CPSF1: variants seen among roughly 807,000 people sequenced by gnomAD.
CPSF1 encodes the protein cleavage and polyadenylation specific factor 1.
A neutral mutation model predicts 175.8 loss-of-function variants in CPSF1; 106 were observed. The observed-to-expected ratio is 0.60, with a 90% CI of 0.52 to 0.71. CPSF1 has a LOEUF of 0.71. CPSF1 is among the 30% of genes least tolerant of loss of function. CPSF1 has a pLI of 0.00. For missense variants in CPSF1, 1,734 were observed against 2,022.9 expected, an observed-to-expected ratio of 0.86 and a Z score of 2.74; for synonymous variants, 1,024 against 858.3, an observed-to-expected ratio of 1.19 and a Z score of -3.37.
intron 2 of CPSF1, among the ~76,000 whole-genome samples, chr8:144,403,121 G>A (rs1821309033): frequency 6.6e-6 from 1 of 150,588 alleles, no homozygotes; most frequent in Non-Finnish European, 1.5e-5. Flanking sequence ...TTTTGAGATG[G>A]AGTCTCACTT....
Position 144,397,648 on chromosome 8 carries a change from C to A in CPSF1, c.2224G>T (p.Asp742Tyr). 1 of 1,534,570 alleles carries A rather than the reference C, an allele frequency of 6.5e-7. No individual in the cohort carries two copies. The highest frequency in any genetic ancestry group is 1.2e-5 in the South Asian group (1 of 80,156). Residue 742 changes from aspartate to tyrosine, a missense_variant, in exon 22 of 38, where the codon GAC becomes TAC. Physicochemically the swap from Asp to Tyr is radical, Grantham distance 160 (BLOSUM62 -3). Coordinates refer to ENST00000616140, the MANE Select transcript of CPSF1 (RefSeq NM_013291.3). The part of the protein sequence containing the change: ...LGSETSPTVD[D>Y]EEEMLYGDSG... ...TCCCCATACAGCATCTCCTCCTCGTCATCCACTGTGGGGCTGGGGGCCAGC... is the reference window on the plus strand; with the variant it reads ...TCCCCATACAGCATCTCCTCCTCGTAATCCACTGTGGGGCTGGGGGCCAGC...
intron 2 of CPSF1, among the ~76,000 whole-genome samples, chr8:144,402,072 G>A (rs2116888605): frequency 5.3e-5 from 8 of 152,214 alleles, no homozygotes; most frequent in African/African-American, 9.6e-5. Flanking sequence ...CCAGAGCCAA[G>A]GGGTATCTGT....
chr8:144,408,999 C>T lies in CPSF1; in HGVS notation c.144+16G>A, dbSNP rs1821649469. 6.2e-7 allele frequency: 1 copy of T among 1,611,134 alleles called. No homozygotes were observed. The highest frequency in any genetic ancestry group is 8.5e-7 in the Non-Finnish European group (1 of 1,178,746). Reference sequence around the variant, plus strand: ...ACGTCGCGGACAGCCGGGAGGGCTCCCAGGGCCCGACCTACCTCGGCGTCG... The same window carrying T: ...ACGTCGCGGACAGCCGGGAGGGCTCTCAGGGCCCGACCTACCTCGGCGTCG... On this transcript the variant is annotated intron_variant, in intron 2 of 37. Coordinates refer to ENST00000616140, the MANE Select transcript of CPSF1 (RefSeq NM_013291.3).
At chr8:144,396,281 C>T (rs777713375) in intron 26 of CPSF1, 67 bp downstream of exon 26, 37 of 1,483,404 alleles carry the variant, frequency 2.5e-5, no homozygotes, top group Non-Finnish European at 3.3e-5. Context: ...CTTCTCCTGT[C>T]CCCTCCCCCT....
rs147047153 is a variant in CPSF1 at position 144,395,127 on chromosome 8, C to G, written c.3243G>C (p.Pro1081=). The part of the protein sequence containing the change: ...QEAFSIQLIS[P]VSWEAIPNAR... ...CATTGGGAATAGCCTCCCAGCTGAC[C>G]GGGGAGATGAGCTGGATGGAGAAGG... Residue 1081 remains proline (P), a synonymous_variant, in exon 29 of 38, where the codon CCG becomes CCC. Coordinates refer to ENST00000616140, the MANE Select transcript of CPSF1 (RefSeq NM_013291.3). 3 of 1,611,994 alleles carry G rather than the reference C, an allele frequency of 1.9e-6. No individual in the cohort carries two copies. The highest frequency in any genetic ancestry group is 2.5e-6 in the Non-Finnish European group (3 of 1,179,252).
chr8:144,395,851 C>T, intron 26 of CPSF1: 1 of 522,780 alleles, frequency 1.9e-6, no homozygotes, highest in Non-Finnish European at 3.5e-6. Context: ...ATGCTGGGGA[C>T]TGAAAACCAG....
At chr8:144,404,621 C>T (rs1366218430) in intron 2 of CPSF1, among the ~76,000 whole-genome samples, 2 of 151,632 alleles carry the variant, frequency 1.3e-5, no homozygotes, top group Non-Finnish European at 2.9e-5. Flanking sequence ...CCACCCACCT[C>T]GGCCTGCCAA....
rs781875397 is a variant in CPSF1 at position 144,394,387 on chromosome 8, C to T, written c.3736G>A (p.Val1246Met). The part of the protein sequence containing the change: ...YQEESKTLSL[V>M]SRDAKPLEVY... ...CGCCGCCACAGGTGTACCCGCGACA[C>T]CAGGCTCAGCGTCTTGCTTTCCTCC... The change falls in exon 32 of 38, where the codon GTG (valine) becomes ATG (methionine). Residue 1246 changes from valine to methionine, a missense_variant. Around this residue, in one of 10 missense-constraint regions of CPSF1, gnomAD observed 323 missense variants for 338.5 expected, o/e 0.95. Transcript: ENST00000616140. 1 of 1,605,130 alleles carries T rather than the reference C, an allele frequency of 6.2e-7. No individual in the cohort carries two copies. Among genetic ancestry groups the T allele is most frequent in the South Asian group, 1.1e-5 (1 of 90,244 alleles).
chr8:144,397,154 CGG>C, intron 23 of CPSF1, 51 bp downstream of exon 23: 1 of 1,468,096 alleles, frequency 6.8e-7, no homozygotes, highest in Non-Finnish European at 9.1e-7. Context: ...TGTGGGGGAA[CGG>C]GCAGGGCCAG....
At position 144,393,415 on chromosome 8, in the gene CPSF1, AGGGGCGGGGCGCGCGG is replaced by A. The variant is rs782578505; in HGVS notation, c.4284+21_4284+36del. 3.1e-3 allele frequency: 1,891 copies of A among 606,792 alleles called. 5 individuals are homozygous for A. Among genetic ancestry groups the A allele is most frequent in the African/African-American group, 7.5e-3 (105 of 14,084 alleles). 37.6% of individuals were successfully genotyped at this position (606,792 alleles called of 1,614,324 possible). On this transcript the variant is annotated intron_variant, in intron 37 of 37. Coordinates refer to ENST00000616140, the MANE Select transcript of CPSF1 (RefSeq NM_013291.3). ...GGTGGGTGGGTGGGGATGCACACGG[AGGGGCGGGGCGCGCGG>A]GGGGCGGGGCGCGCACTCACTATGT...
chr8:144,408,660 A>G (rs1364134012), intron 2 of CPSF1, among the ~76,000 whole-genome samples: 1 of 152,254 alleles, frequency 6.6e-6, no homozygotes, highest in Non-Finnish European at 1.5e-5. Flanking sequence ...GTGTTTATTT[A>G]GATGTTCCCC....
At position 144,395,366 on chromosome 8, in the gene CPSF1, G is replaced by T; in HGVS notation, c.3097-11C>A. The T allele has an allele frequency of 1.9e-6, 3 of 1,613,358 alleles. No homozygotes were observed. The highest frequency in any genetic ancestry group is 2.5e-6 in the Non-Finnish European group (3 of 1,179,944). On this transcript the variant is annotated splice_polypyrimidine_tract_variant and intron_variant, in intron 27 of 37. Transcript: ENST00000616140. ...GGCCACAGCATACACCTGTGGGTTAGTGAGGGTCACACACCAGTGGCCCGG... is the reference window on the plus strand; with the variant it reads ...GGCCACAGCATACACCTGTGGGTTATTGAGGGTCACACACCAGTGGCCCGG...
Position 144,409,168 on chromosome 8 carries a change from C to A in CPSF1, c.-10G>T, listed in dbSNP as rs1441164513. ...TGTACACGGCGTACATGGCGCCAAC[C>A]CGGGCTGCGCAAGGCCGGGAGAGGA... On this transcript the variant is annotated 5_prime_UTR_variant, in exon 2 of 38. Coordinates refer to ENST00000616140, the MANE Select transcript of CPSF1 (RefSeq NM_013291.3). 2 of 1,603,930 alleles carry A rather than the reference C, an allele frequency of 1.2e-6. No individual in the cohort carries two copies. Among genetic ancestry groups the A allele is most frequent in the African/African-American group, 1.3e-5 (1 of 74,624 alleles).
At chr8:144,398,223 ACCTCCCCCC>A in intron 19 of CPSF1, 70 bp downstream of exon 19, 1 of 1,460,040 alleles carries the variant, frequency 6.8e-7, no homozygotes. Context: ...GGGCCCAACC[ACCTCCCCCC>A]CACCGTCCCC....
At chr8:144,397,146 TGGGGGAACGGGCAGGGCCA>T (rs1263455746) in intron 23 of CPSF1, 42 bp downstream of exon 23, 1 of 1,207,914 alleles carries the variant, frequency 8.3e-7, no homozygotes, top group Non-Finnish European at 1.0e-6. Context: ...GGCGGGGCTG[TGGGGGAACGGGCAGGGCCA>T]GGGGGAAGAT....
chr8:144,400,420 C>T lies in CPSF1; in HGVS notation c.760G>A (p.Val254Ile), dbSNP rs2116875048. The T allele has an allele frequency of 1.9e-6, 3 of 1,613,622 alleles. No homozygotes were observed. The highest frequency in any genetic ancestry group is 2.7e-5 in the African/African-American group (2 of 74,908). Residue 254 changes from valine to isoleucine, a missense_variant, in exon 8 of 38, where the codon GTC (valine) becomes ATC (isoleucine). Physicochemically the swap from Val to Ile is conservative, Grantham distance 29. Transcript: ENST00000616140. ...SLNITQKVHP[V>I]IWSLTSLPFD... ...GGCAGGCTGGTGAGGGACCAGATGA[C>T]GGGGTGCACCTTCTGCGTGATGTTC...
intron 2 of CPSF1, among the ~76,000 whole-genome samples, chr8:144,407,134 C>G (rs143334665): frequency 6.6e-6 from 1 of 151,850 alleles, no homozygotes; most frequent in Non-Finnish European, 1.5e-5. Flanking sequence ...AGACTGGTCT[C>G]GAACCCATGA....
chr8:144,404,472 TCTC>T (rs2116898333), intron 2 of CPSF1, among the ~76,000 whole-genome samples: 10 of 151,382 alleles, frequency 6.6e-5, no homozygotes, highest in Non-Finnish European at 1.3e-4. Flanking sequence ...TTCAAGCCAT[TCTC>T]CTGCCTCAGC....
Position 144,400,147 on chromosome 8 carries a change from C to G in CPSF1, c.937+19G>C. 1 of 1,426,006 alleles carries G rather than the reference C, an allele frequency of 7.0e-7. No homozygotes were observed. The highest frequency in any genetic ancestry group is 9.5e-7 in the Non-Finnish European group (1 of 1,052,418). 88.3% of individuals were successfully genotyped at this position (1,426,006 alleles called of 1,614,324 possible). A position where few individuals can be genotyped will look rare whatever the true frequency, so the allele number is the denominator to read the frequency against. ...AAGCCGTCCCCGGGCCCCCCCCGCC[C>G]CAGCCACCCCACACTCACGAAGCGG... On this transcript the variant is annotated intron_variant, in intron 9 of 37. Transcript: ENST00000616140.
Sources: allele counts gnomAD v4.1 joint callset (sites outside exome capture counted in the v4.1 genomes callset), GRCh38; gene constraint gnomAD v4.1.1; regional missense constraint gnomAD v4.1.1; transcripts MANE v1.5; gene names NCBI Gene and HGNC (gene_info 2026-07-23, HGNC 2026-07-21).